The following PLCG1 variants were observed in gnomAD, a reference collection of about 807,000 sequenced individuals.
PLCG1 encodes the protein 1-phosphatidylinositol 4,5-bisphosphate phosphodiesterase gamma-1.
Under a neutral mutation model 177.8 loss-of-function variants are expected in PLCG1, and 71 were observed. That is an observed-to-expected ratio of 0.40 (90% confidence interval 0.33 to 0.49). The LOEUF (loss-of-function observed/expected upper bound fraction) is 0.49. PLCG1 is among the 20% of genes least tolerant of loss of function. The pLI, the probability that PLCG1 is intolerant of heterozygous loss-of-function variation, is 0.72. For synonymous variants in PLCG1, 658 were observed against 647.9 expected (o/e 1.02, Z -0.24); for missense variants, 1,281 against 1,709.0 (o/e 0.75, Z 4.42).
chr20:41,177,083 C>A lies in PLCG1; in HGVS notation c.*2574C>A, dbSNP rs924194378. 1 of 152,238 alleles carries A rather than the reference C, an allele frequency of 6.6e-6. No homozygotes were observed. The highest frequency in any genetic ancestry group is 1.5e-5 in the Non-Finnish European group (1 of 68,062). 9.4% of individuals were successfully genotyped at this position (152,238 alleles called of 1,614,324 possible). On this transcript the variant is annotated 3_prime_UTR_variant, in exon 32 of 32. Coordinates refer to ENST00000685551, the MANE Select transcript of PLCG1 (RefSeq NM_002660.3). ...AAAACCCTGATTTTGGCAGCACAAA[C>A]CAAAAGAGCAGGCAGGGCCGGGAGA...
rs35980938 is a variant in PLCG1, at chr20:41,157,204, CTGTGTGTGTGTGTG to C, written c.218-2378_218-2365del. On this transcript the variant is annotated intron_variant, in intron 1 of 31. Transcript: ENST00000685551. The surrounding 1 kb of genome is among the most constrained non-coding windows in gnomAD (Gnocchi z 5.4). ...GTGCAGGAGTGCAGGCCTGTTGACT[CTGTGTGTGTGTGTG>C]TGTGTGTGTGTGTGTGTGTGTGTAC... Among the ~76,000 whole-genome samples, 457 of 144,030 alleles carry C rather than the reference CTGTGTGTGTGTGTG, an allele frequency of 3.2e-3. No individual in the cohort carries two copies. The highest frequency in any genetic ancestry group is 0.011 in the African/African-American group (411 of 37,324). The allele number at this position is 144,030 out of a possible 152,430, so 94.5% of individuals were successfully genotyped here.
chr20:41,162,794 G>A, intron 6 of PLCG1, 69 bp downstream of exon 6: 5 of 1,431,170 alleles, frequency 3.5e-6, no homozygotes, highest in Non-Finnish European at 3.9e-6. Flanking sequence ...AGCTCTGCCT[G>A]CCTCAGCCCT....
chr20:41,161,811 C>T (rs2146035717), intron 4 of PLCG1, among the ~76,000 whole-genome samples: 1 of 152,064 alleles, frequency 6.6e-6, no homozygotes, highest in South Asian at 2.1e-4. Context: ...TGTCCCCAGC[C>T]TCACATCCTG....
At position 41,137,779 on chromosome 20, in the gene PLCG1, C is replaced by T. The variant is rs753875907; in HGVS notation, c.138C>T (p.Pro46=). The T allele has an allele frequency of 3.1e-6, 4 of 1,297,756 alleles. No individual in the cohort carries two copies. The highest frequency in any genetic ancestry group is 6.3e-5 in the South Asian group (2 of 31,672). 80.4% of individuals were successfully genotyped at this position (1,297,756 alleles called of 1,614,324 possible). Residue 46 remains proline, a synonymous_variant, in exon 1 of 32, where the codon CCC becomes CCT. Transcript: ENST00000685551. The surrounding 1 kb of genome is among the most constrained non-coding windows in gnomAD (Gnocchi z 7.3). ...TLFYSKKSQR[P]ERKTFQVKLE... ...TCTACTCCAAGAAGTCGCAGCGACCCGAGCGGAAGACCTTCCAGGTCAAGC... is the reference window on the plus strand; with the variant it reads ...TCTACTCCAAGAAGTCGCAGCGACCTGAGCGGAAGACCTTCCAGGTCAAGC...
rs2035566618 is a variant in PLCG1 at position 41,163,104 on chromosome 20, T to C, written c.717-99T>C. On this transcript the variant is annotated intron_variant, in intron 7 of 31. Coordinates refer to ENST00000685551, the MANE Select transcript of PLCG1 (RefSeq NM_002660.3). The surrounding 1 kb of genome is among the most constrained non-coding windows in gnomAD (Gnocchi z 5.2). The stretch of plus-strand genomic sequence containing the variant: ...GGGAGTAGGGAACCATGCTGGACCA[T>C]TCTGGGAAGCTGTGCTGGCTGGGAG... 1 of 1,493,118 alleles carries C rather than the reference T, an allele frequency of 6.7e-7. No homozygotes were observed. Among genetic ancestry groups the C allele is most frequent in the Non-Finnish European group, 9.3e-7 (1 of 1,074,592 alleles). The allele number at this position is 1,493,118 out of a possible 1,614,324, so 92.5% of individuals were successfully genotyped here.
chr20:41,169,532 C>T lies in PLCG1; in HGVS notation c.2650+6C>T, dbSNP rs2035825102. 2.5e-6 allele frequency: 4 copies of T among 1,608,058 alleles called. No individual in the cohort carries two copies. Among genetic ancestry groups the T allele is most frequent in the Non-Finnish European group, 3.4e-6 (4 of 1,174,652 alleles). On this transcript the variant is annotated splice_donor_region_variant and intron_variant, in intron 23 of 31. Transcript: ENST00000685551. ...TGTGCCGGCTTGTCAGATTGGTGAG[C>T]TCCCATCTGTTTCTCTTGCCCACTG...
In PLCG1 at chr20:41,172,915, G is replaced by T; in HGVS notation, c.3279+38G>T. 7 of 1,601,506 alleles carry T rather than the reference G, an allele frequency of 4.4e-6. No homozygotes were observed. Among genetic ancestry groups the T allele is most frequent in the Non-Finnish European group, 6.0e-6 (7 of 1,171,952 alleles). On this transcript the variant is annotated intron_variant, in intron 27 of 31. Transcript: ENST00000685551. This position sits in a 1 kb window ranked among gnomAD's most constrained non-coding sequence, Gnocchi z 7.0. The stretch of plus-strand genomic sequence containing the variant: ...CATCTGGGCTTCAGGGTAGGAAAGG[G>T]GCTGCTTGCCGTTGGAGTCTGTTTA...
rs1309161074 is a variant in PLCG1, at chr20:41,169,187, A to AC, written c.2580+14dup. On this transcript the variant is annotated intron_variant, in intron 22 of 31. Coordinates refer to ENST00000685551, the MANE Select transcript of PLCG1 (RefSeq NM_002660.3). ...AGCCGGAGAGGGAGGTAAGACCAGA[A>AC]CCACCTGAGTAACAGCATTCCCTAT... 1 of 1,556,736 alleles carries AC rather than the reference A, an allele frequency of 6.4e-7. No individual in the cohort carries two copies.
intron 1 of PLCG1, among the ~76,000 whole-genome samples, chr20:41,152,879 T>C (rs1337457363): frequency 6.6e-6 from 1 of 152,016 alleles, no homozygotes; most frequent in Non-Finnish European, 1.5e-5. Flanking sequence ...AGTGAGGAGG[T>C]AGGAGTGGCT....
At chr20:41,138,601 G>C (rs992248435) in intron 1 of PLCG1, among the ~76,000 whole-genome samples, 44 of 151,912 alleles carry the variant, frequency 2.9e-4, no homozygotes, top group African/African-American at 1.0e-3. Flanking sequence ...GTTCCCAGGA[G>C]ATGGGCCCCA....
Position 41,166,003 on chromosome 20 carries a change from A to C in PLCG1, c.1799+177A>C, listed in dbSNP as rs1600665769. 6.5e-5 allele frequency: 28 copies of C among 428,696 alleles called. No homozygotes were observed. The highest frequency in any genetic ancestry group is 1.3e-4 in the East Asian group (2 of 14,990). 26.6% of individuals were successfully genotyped at this position (428,696 alleles called of 1,614,324 possible). ...ACTCTCTGTCTCACCCCCCCCCCAT[A>C]CCCCTCCCTTTTCGGTTCATTTGAA... is the stretch of plus-strand genomic sequence containing the variant. On this transcript the variant is annotated intron_variant, in intron 16 of 31. Coordinates refer to ENST00000685551, the MANE Select transcript of PLCG1 (RefSeq NM_002660.3). The surrounding 1 kb of genome is among the most constrained non-coding windows in gnomAD (Gnocchi z 8.6).
chr20:41,176,652 T>G lies in PLCG1; in HGVS notation c.*2143T>G, dbSNP rs2036072585. 1 of 152,254 alleles carries G rather than the reference T, an allele frequency of 6.6e-6. No homozygotes were observed. Among genetic ancestry groups the G allele is most frequent in the South Asian group, 2.1e-4 (1 of 4,834 alleles). 9.4% of individuals were successfully genotyped at this position (152,254 alleles called of 1,614,324 possible). On this transcript the variant is annotated 3_prime_UTR_variant, in exon 32 of 32. Transcript: ENST00000685551. ...CAGCTTTGTAGACCTGAGGCTCACC[T>G]CTCTTGGGCTCTGTAAGACATTGCC...
In PLCG1 at chr20:41,137,974, C is replaced by G. The variant is rs1349368748; in HGVS notation, c.217+116C>G. ...CGACTTGGGCAAACTTTCGGGCCCTCCCAGACTCCCTCCGGGCCCCGCCCC... is the reference window on the plus strand; with the variant it reads ...CGACTTGGGCAAACTTTCGGGCCCTGCCAGACTCCCTCCGGGCCCCGCCCC... On this transcript the variant is annotated intron_variant, in intron 1 of 31. Coordinates refer to ENST00000685551, the MANE Select transcript of PLCG1 (RefSeq NM_002660.3). The surrounding 1 kb of genome is among the most constrained non-coding windows in gnomAD (Gnocchi z 7.3). The G allele has an allele frequency of 3.1e-6, 2 of 652,354 alleles. No individual in the cohort carries two copies. The highest frequency in any genetic ancestry group is 3.5e-5 in the East Asian group (1 of 28,970). 40.4% of individuals were successfully genotyped at this position (652,354 alleles called of 1,614,324 possible).
intron 1 of PLCG1, among the ~76,000 whole-genome samples, chr20:41,139,754 T>C (rs147302307): frequency 6.6e-6 from 1 of 152,180 alleles, no homozygotes; most frequent in African/African-American, 2.4e-5. Flanking sequence ...GAACTGGGAA[T>C]GGTGAGGGGG....
chr20:41,169,558 T>A, intron 23 of PLCG1, 32 bp downstream of exon 23: 1 of 1,512,788 alleles, frequency 6.6e-7, no homozygotes, highest in Non-Finnish European at 9.2e-7. Flanking sequence ...TTGCCCACTG[T>A]TCCCTAGGGT....
chr20:41,157,391 C>T lies in PLCG1; in HGVS notation c.218-2215C>T, dbSNP rs912501857. Among the ~76,000 whole-genome samples the T allele has an allele frequency of 3.3e-5, 5 of 152,050 alleles. No homozygotes were observed. On this transcript the variant is annotated intron_variant, in intron 1 of 31. Transcript: ENST00000685551. This position sits in a 1 kb window ranked among gnomAD's most constrained non-coding sequence, Gnocchi z 5.4. ...CCATTTCCCCTGATGGAAGCTCCTC[C>T]TTCTGTCATTGGAAGCCCTGTGTTC...
At chr20:41,161,945 T>C (rs1025179657) in intron 4 of PLCG1, among the ~76,000 whole-genome samples, 8 of 152,074 alleles carry the variant, frequency 5.3e-5, no homozygotes, top group Non-Finnish European at 1.2e-4. Flanking sequence ...ATGCACCTCC[T>C]CCTTCCTCCC....
chr20:41,158,576 AC>A (rs1373927788), intron 1 of PLCG1, among the ~76,000 whole-genome samples: 1 of 152,190 alleles, frequency 6.6e-6, no homozygotes, highest in East Asian at 1.9e-4. Flanking sequence ...TCCATGTCCC[AC>A]ATATAGTGCT....
In PLCG1 at chr20:41,150,748, A is replaced by C. The variant is rs2035141588; in HGVS notation, c.218-8858A>C. On this transcript the variant is annotated intron_variant, in intron 1 of 31. Transcript: ENST00000685551. This position sits in a 1 kb window ranked among gnomAD's most constrained non-coding sequence, Gnocchi z 4.0. ...TGCACCTCTGTCTTGGTTTCCATGA[A>C]CCCCTCTGCCCAATGTGTGCTTGTC... is the stretch of plus-strand genomic sequence containing the variant. Among the ~76,000 whole-genome samples, 1 of 151,834 alleles carries C rather than the reference A, an allele frequency of 6.6e-6. No individual in the cohort carries two copies. Among genetic ancestry groups the C allele is most frequent in the Admixed American group, 6.6e-5 (1 of 15,254 alleles).
Sources: allele counts gnomAD v4.1 joint callset (sites outside exome capture counted in the v4.1 genomes callset), GRCh38; gene constraint gnomAD v4.1.1; non-coding constraint Gnocchi (gnomAD v3.1); transcripts MANE v1.5; gene names NCBI Gene and HGNC (gene_info 2026-07-23, HGNC 2026-07-21).